ABCD3: variants seen among roughly 807,000 people sequenced by gnomAD.
ABCD3 encodes ATP-binding cassette sub-family D member 3.
Under a neutral mutation model 105.5 loss-of-function variants are expected in ABCD3, and 41 were observed. The observed-to-expected ratio is 0.39, with a 90% CI of 0.30 to 0.50. The LOEUF is 0.50. ABCD3 is among the 20% of genes least tolerant of loss of function. ABCD3 has a pLI of 0.84. For missense variants in ABCD3, 622 were observed against 806.3 expected (o/e 0.77, Z 2.77); for synonymous variants, 258 against 269.0 (o/e 0.96, Z 0.40).
intron 1 of ABCD3, 67 bp downstream of exon 1, chr1:94,418,655 C>A: frequency 6.7e-7 from 1 of 1,486,556 alleles, no homozygotes; most frequent in Non-Finnish European, 9.1e-7. Flanking sequence ...GCTCTCTCTC[C>A]CCACCCGGCC....
chr1:94,455,500 T>A (rs1365859286), intron 1 of ABCD3, among the ~76,000 whole-genome samples: 2 of 152,026 alleles, frequency 1.3e-5, no homozygotes, highest in Non-Finnish European at 2.9e-5. Context: ...TAATTTTGTA[T>A]TTTTAGTAGA....
chr1:94,443,268 GAA>G (rs1327428805), intron 1 of ABCD3, among the ~76,000 whole-genome samples: 1 of 152,054 alleles, frequency 6.6e-6, no homozygotes, highest in Non-Finnish European at 1.5e-5. Flanking sequence ...GTCTTCTTTT[GAA>G]AAATGTCTGT....
intron 9 of ABCD3, chr1:94,482,189 T>C (rs1649060764): frequency 6.6e-6 from 1 of 152,214 alleles, no homozygotes; most frequent in South Asian, 2.1e-4. Flanking sequence ...TCTCTGTCAT[T>C]GTGTCAAGGA....
At chr1:94,492,693 C>T (rs1475093528) in intron 16 of ABCD3, among the ~76,000 whole-genome samples, 5 of 151,958 alleles carry the variant, frequency 3.3e-5, no homozygotes, top group Non-Finnish European at 7.4e-5. Flanking sequence ...CGTGAGACTT[C>T]GTTGAAGAAT....
chr1:94,449,244 C>T (rs994674229), intron 1 of ABCD3, among the ~76,000 whole-genome samples: 2 of 152,174 alleles, frequency 1.3e-5, no homozygotes, highest in Non-Finnish European at 2.9e-5. Context: ...TCGAGATTGA[C>T]ACTGAGGAGG....
At chr1:94,386,349 G>T in the ABCD3 span, among the ~76,000 whole-genome samples, 1 of 152,196 alleles carries the variant, frequency 6.6e-6, no homozygotes, top group African/African-American at 2.4e-5. Context: ...AACAATACGC[G>T]TAGAGTTTCA....
At chr1:94,516,528 G>A (rs931574145) in intron 22 of ABCD3, among the ~76,000 whole-genome samples, 4 of 151,840 alleles carry the variant, frequency 2.6e-5, no homozygotes, top group Non-Finnish European at 5.9e-5. Context: ...TCTTCTTTTG[G>A]AGGTATAGAC....
the ABCD3 span, among the ~76,000 whole-genome samples, chr1:94,401,037 C>G: frequency 6.6e-6 from 1 of 152,190 alleles, no homozygotes; most frequent in South Asian, 2.1e-4. Context: ...TATCTTGGGA[C>G]TCTTCAGATT....
the ABCD3 span, among the ~76,000 whole-genome samples, chr1:94,403,795 G>A: frequency 6.6e-6 from 1 of 152,012 alleles, no homozygotes; most frequent in African/African-American, 2.4e-5. Flanking sequence ...TTTCTGATAT[G>A]ACTAAATATT....
chr1:94,503,285 CAG>C (rs1353060266), intron 20 of ABCD3, among the ~76,000 whole-genome samples: 1 of 152,124 alleles, frequency 6.6e-6, no homozygotes, highest in Non-Finnish European at 1.5e-5. Context: ...TGAATGTACG[CAG>C]AGAGTCCTTT....
At chr1:94,421,819 G>A (rs898422590) in intron 1 of ABCD3, among the ~76,000 whole-genome samples, 1 of 152,148 alleles carries the variant, frequency 6.6e-6, no homozygotes, top group Admixed American at 6.5e-5. Flanking sequence ...GACTGTTACA[G>A]CATCCTTTAT....
At chr1:94,500,336 C>G (rs1650032513) in intron 20 of ABCD3, among the ~76,000 whole-genome samples, 1 of 152,022 alleles carries the variant, frequency 6.6e-6, no homozygotes, top group African/African-American at 2.4e-5. Context: ...GTCCTAGCTA[C>G]TGGGAGGCGG....
intron 4 of ABCD3, chr1:94,472,250 A>G (rs1380393314): frequency 1.0e-5 from 10 of 978,110 alleles, no homozygotes; most frequent in Non-Finnish European, 1.2e-5. Context: ...ATGGTAAACC[A>G]TTGCTGAATG....
intron 1 of ABCD3, among the ~76,000 whole-genome samples, chr1:94,420,636 TG>T (rs1233714094): frequency 6.6e-6 from 1 of 152,094 alleles, no homozygotes; most frequent in African/African-American, 2.4e-5. Flanking sequence ...TGAGGTGAAA[TG>T]ATTGAACTAT....
chr1:94,505,232 G>A (rs1340776344), intron 20 of ABCD3, among the ~76,000 whole-genome samples: 1 of 152,076 alleles, frequency 6.6e-6, no homozygotes, highest in Non-Finnish European at 1.5e-5. Flanking sequence ...ATAGCGTCTT[G>A]CTGTTTCAGC....
chr1:94,493,654 T>A (rs1165227176), intron 16 of ABCD3, among the ~76,000 whole-genome samples: 1 of 151,854 alleles, frequency 6.6e-6, no homozygotes, highest in Non-Finnish European at 1.5e-5. Context: ...GTATGTTTAT[T>A]GCGGCACTAT....
chr1:94,439,126 T>A (rs150442009), intron 1 of ABCD3, among the ~76,000 whole-genome samples: 1 of 152,306 alleles, frequency 6.6e-6, no homozygotes, highest in African/African-American at 2.4e-5. Context: ...CTCTGAATTG[T>A]TTCATGTTGC....
chr1:94,503,212 C>A (rs1490887864), intron 20 of ABCD3, among the ~76,000 whole-genome samples: 1 of 152,068 alleles, frequency 6.6e-6, no homozygotes, highest in African/African-American at 2.4e-5. Context: ...TAGCTGACAG[C>A]ATAGTGGGAG....
chr1:94,442,495 A>G (rs1660169860), intron 1 of ABCD3, among the ~76,000 whole-genome samples: 1 of 152,202 alleles, frequency 6.6e-6, no homozygotes, highest in Non-Finnish European at 1.5e-5. Context: ...AAATATATTT[A>G]GGAGGTATAA....
Sources: gnomAD v4.1 joint callset for allele counts (sites outside exome capture counted in the v4.1 genomes callset) on GRCh38, gnomAD v4.1.1 for gene constraint, MANE v1.5 for transcripts, NCBI Gene and HGNC (gene_info 2026-07-23, HGNC 2026-07-21) for gene names.